The following BRI3BP variants were observed in gnomAD, a reference collection of about 807,000 sequenced individuals.
The protein encoded by BRI3BP is BRI3-binding protein.
Under a neutral mutation model 15.8 loss-of-function variants are expected in BRI3BP, and 7 were observed. That is an observed-to-expected ratio of 0.44 (90% CI 0.25 to 0.83). The LOEUF is 0.83. Ranked by LOEUF, BRI3BP falls within the 40% of genes least tolerant of loss-of-function variation. The pLI is 0.20. For synonymous variants in BRI3BP, 192 were observed against 163.5 expected (o/e 1.17, Z -1.33); for missense variants, 320 against 339.3 (o/e 0.94, Z 0.45).
At chr12:125,033,178 C>T (rs1955418978), downstream of BRI3BP, among the ~76,000 whole-genome samples, 1 of 152,172 alleles carries the variant, frequency 6.6e-6, no homozygotes, top group Non-Finnish European at 1.5e-5. Context: ...AAAACAAACA[C>T]AAACTTCCTT....
intron 1 of BRI3BP, among the ~76,000 whole-genome samples, chr12:124,996,289 T>G (rs4418906): frequency 0.79 from 119,563 of 151,794 alleles, 47,580 homozygotes; most frequent in East Asian, 0.92. Flanking sequence ...ATTTTATGGG[T>G]TTTTTTTTAA....
chr12:125,007,375 C>A (rs1397202984), intron 1 of BRI3BP, among the ~76,000 whole-genome samples: 1 of 152,126 alleles, frequency 6.6e-6, no homozygotes, highest in Non-Finnish European at 1.5e-5. Flanking sequence ...CATAGGAAAA[C>A]CCTGTCTCTA....
At chr12:125,016,094 C>T (rs796457917) in intron 2 of BRI3BP, among the ~76,000 whole-genome samples, 53 of 152,282 alleles carry the variant, frequency 3.5e-4, no homozygotes, top group African/African-American at 1.2e-3. Context: ...GCATCGGCAG[C>T]GGATCCACGA....
intron 1 of BRI3BP, among the ~76,000 whole-genome samples, chr12:125,009,797 C>G (rs1333050680): frequency 6.6e-6 from 1 of 151,952 alleles, no homozygotes; most frequent in African/African-American, 2.4e-5. Context: ...GGAGTCAATA[C>G]TTCTGTTAGA....
intron 1 of BRI3BP, among the ~76,000 whole-genome samples, chr12:125,011,932 T>C (rs1337619198): frequency 1.1e-4 from 16 of 152,170 alleles, no homozygotes; most frequent in Admixed American, 1.0e-3. Flanking sequence ...GTTTCACGCC[T>C]ATAATCCCAG....
At chr12:125,046,232 A>G in the BRI3BP span, among the ~76,000 whole-genome samples, 1 of 152,034 alleles carries the variant, frequency 6.6e-6, no homozygotes, top group African/African-American at 2.4e-5. Context: ...ACACATAAGT[A>G]TGCTATACAT....
intron 2 of BRI3BP, among the ~76,000 whole-genome samples, chr12:125,015,219 A>T (rs1476122204): frequency 2.0e-5 from 3 of 151,928 alleles, no homozygotes; most frequent in Non-Finnish European, 4.4e-5. Context: ...AGATGTGATA[A>T]AGTTAAATGA....
the BRI3BP span, among the ~76,000 whole-genome samples, chr12:125,038,021 G>T: frequency 6.6e-6 from 1 of 152,012 alleles, no homozygotes; most frequent in Admixed American, 6.6e-5. Context: ...AGCCAGGCAC[G>T]GTGGCTCATG....
At chr12:125,031,752 C>T (rs1405489450), downstream of BRI3BP, among the ~76,000 whole-genome samples, 1 of 152,000 alleles carries the variant, frequency 6.6e-6, no homozygotes, top group Non-Finnish European at 1.5e-5. Flanking sequence ...TGGTCTCCAA[C>T]TCCTGACCTC....
At chr12:125,018,575 G>A (rs571292034) in intron 2 of BRI3BP, among the ~76,000 whole-genome samples, 6 of 152,224 alleles carry the variant, frequency 3.9e-5, no homozygotes, top group African/African-American at 9.6e-5. Flanking sequence ...GGAGAGGCCC[G>A]GGCAGATTCA....
intron 2 of BRI3BP, 59 bp from the exon 3 acceptor site, chr12:125,024,932 T>A: frequency 6.8e-7 from 1 of 1,461,730 alleles, no homozygotes; most frequent in Non-Finnish European, 9.4e-7. Flanking sequence ...CAATTCTAGC[T>A]TGTTAAGAAA....
At position 124,998,267 on chromosome 12, in the gene BRI3BP, G is replaced by C. The variant is rs183698403; in HGVS notation, c.213+4264G>C. Among the ~76,000 whole-genome samples the C allele has an allele frequency of 1.4e-3, 208 of 152,262 alleles. 1 individual carries two copies. Among genetic ancestry groups the C allele is most frequent in the Admixed American group, 0.011 (168 of 15,282 alleles). On this transcript the variant is annotated intron_variant, in intron 1 of 2. Coordinates refer to ENST00000341446, the MANE Select transcript of BRI3BP (RefSeq NM_080626.6). Reference sequence around the variant, plus strand: ...GAGTCGCCCCACTGCACTCAAGCCGGGGGAACAGAGACTCCGTCTCAAAAA... The same window carrying C: ...GAGTCGCCCCACTGCACTCAAGCCGCGGGAACAGAGACTCCGTCTCAAAAA...
At chr12:125,038,255 C>CA in the BRI3BP span, among the ~76,000 whole-genome samples, 4,926 of 116,506 alleles carry the variant, frequency 0.042, 287 homozygotes, top group African/African-American at 0.15. Context: ...CCAGCCATCT[C>CA]AAAAAAAAAA....
chr12:124,997,096 T>G (rs569110900), intron 1 of BRI3BP, among the ~76,000 whole-genome samples: 2 of 151,530 alleles, frequency 1.3e-5, no homozygotes, highest in Non-Finnish European at 1.5e-5. Context: ...GAAATACACC[T>G]ATGACCATCC....
chr12:124,997,511 C>T (rs1406267466), intron 1 of BRI3BP, among the ~76,000 whole-genome samples: 2 of 151,786 alleles, frequency 1.3e-5, no homozygotes, highest in Admixed American at 6.6e-5. Flanking sequence ...CCACCGTGCA[C>T]CACCCAGTTG....
chr12:124,998,621 G>T (rs4765014), intron 1 of BRI3BP, among the ~76,000 whole-genome samples: 3 of 151,928 alleles, frequency 2.0e-5, no homozygotes, highest in Non-Finnish European at 4.4e-5. Flanking sequence ...GAGCAATGGG[G>T]GAATTACTGC....
chr12:125,019,634 C>CTGTTTTTTTTTTTTTTTTTT (rs1565906073), intron 2 of BRI3BP, among the ~76,000 whole-genome samples: 1 of 45,540 alleles, frequency 2.2e-5, no homozygotes, highest in Non-Finnish European at 5.0e-5. Context: ...TTAATTCCAC[C>CTGTTTTTTTTTTTTTTTTTT]CTTTTTTTTT....
intron 1 of BRI3BP, among the ~76,000 whole-genome samples, chr12:124,994,302 C>T (rs79390129): frequency 1.3e-5 from 2 of 152,128 alleles, no homozygotes; most frequent in South Asian, 4.1e-4. Context: ...GCCTGCCGCG[C>T]GTCTCATTCA....
At position 124,993,886 on chromosome 12, in the gene BRI3BP, G is replaced by T. The variant is rs1955017096; in HGVS notation, c.96G>T (p.Ala32=). 14 of 1,245,078 alleles carry T rather than the reference G, an allele frequency of 1.1e-5. No individual in the cohort carries two copies. Among genetic ancestry groups the T allele is most frequent in the Admixed American group, 4.1e-5 (1 of 24,472 alleles). The allele number at this position is 1,245,078 out of a possible 1,614,324, so 77.1% of individuals were successfully genotyped here. A position where few individuals can be genotyped will look rare whatever the true frequency, so the allele number is the denominator to read the frequency against. Reference sequence around the variant, plus strand: ...TGCTCGGGCTGCTGGCCCCGGGCGCGCAGGGGGCGCGGGGCCGCGGCGGCG... The same window carrying T: ...TGCTCGGGCTGCTGGCCCCGGGCGCTCAGGGGGCGCGGGGCCGCGGCGGCG... ...LLLLGLLAPG[A]QGARGRGGAE... is the part of the protein sequence containing the mutation. The change falls in exon 1 of 3, where the codon GCG becomes GCT. Residue 32 remains alanine (A), a synonymous_variant. Coordinates refer to ENST00000341446, the MANE Select transcript of BRI3BP (RefSeq NM_080626.6).
Sources: gnomAD v4.1 joint callset for allele counts (sites outside exome capture counted in the v4.1 genomes callset) on GRCh38, gnomAD v4.1.1 for gene constraint, MANE v1.5 for transcripts, NCBI Gene and HGNC (gene_info 2026-07-23, HGNC 2026-07-21) for gene names.